The following UNC13C variants were observed in gnomAD, a reference collection of about 807,000 sequenced individuals.
UNC13C encodes the protein protein unc-13 homolog C.
In UNC13C, 174 loss-of-function variants were observed where a neutral mutation model predicts 245.4. The ratio of observed to expected loss-of-function variants is 0.71; its 90% CI spans 0.63 to 0.80. UNC13C has a LOEUF of 0.80. Among genes scored for constraint, UNC13C ranks in the 30% least tolerant of loss-of-function variants. UNC13C has a pLI of 0.00. For synonymous variants in UNC13C, 992 were observed against 895.1 expected (o/e 1.11, Z -1.93); for missense variants, 2,829 against 2,602.9 (o/e 1.09, Z -1.89).
chr15:54,204,465 A>C (rs2034646718), intron 4 of UNC13C, among the ~76,000 whole-genome samples: 1 of 151,958 alleles, frequency 6.6e-6, no homozygotes, highest in Non-Finnish European at 1.5e-5. Flanking sequence ...TTTATGGAAA[A>C]AAATTAAAGA....
At chr15:54,179,981 A>G (rs570455110) in intron 4 of UNC13C, among the ~76,000 whole-genome samples, 68 of 152,216 alleles carry the variant, frequency 4.5e-4, no homozygotes, top group African/African-American at 1.6e-3. Context: ...ATAAAATGAT[A>G]TCTTTAAGTG....
intron 2 of UNC13C, among the ~76,000 whole-genome samples, chr15:54,047,642 C>T (rs1162401003): frequency 1.3e-5 from 2 of 152,024 alleles, no homozygotes; most frequent in African/African-American, 4.8e-5. Flanking sequence ...TTTGTTTATC[C>T]ATTCACGATA....
intron 19 of UNC13C, among the ~76,000 whole-genome samples, chr15:54,480,260 A>T (rs1299117368): frequency 6.6e-6 from 1 of 151,506 alleles, no homozygotes; most frequent in African/African-American, 2.4e-5. Context: ...GGTCTTTATT[A>T]TTTATTTATT....
At chr15:53,953,523 G>T in the UNC13C span, among the ~76,000 whole-genome samples, 5 of 152,210 alleles carry the variant, frequency 3.3e-5, no homozygotes, top group South Asian at 2.1e-4. Context: ...GCAAAATAGA[G>T]ATTCTCCTTT....
At chr15:54,429,065 A>C (rs1413083579) in intron 19 of UNC13C, among the ~76,000 whole-genome samples, 1 of 151,742 alleles carries the variant, frequency 6.6e-6, no homozygotes, top group African/African-American at 2.4e-5. Context: ...GTAGCAATGA[A>C]ATGAAACAGT....
chr15:54,036,206 G>A (rs1447146003), intron 2 of UNC13C, among the ~76,000 whole-genome samples: 1 of 152,108 alleles, frequency 6.6e-6, no homozygotes, highest in Non-Finnish European at 1.5e-5. Context: ...AGTTTCCCTG[G>A]CACCCTAATA....
chr15:53,870,739 G>A, the UNC13C span, among the ~76,000 whole-genome samples: 6 of 152,090 alleles, frequency 3.9e-5, no homozygotes, highest in African/African-American at 1.2e-4. Context: ...GTCTTATCCT[G>A]ATTTTTATTT....
chr15:53,850,042 T>G, the UNC13C span, among the ~76,000 whole-genome samples: 2 of 152,292 alleles, frequency 1.3e-5, no homozygotes, highest in African/African-American at 4.8e-5. Context: ...TGCAAGAACT[T>G]CCTTTAACAT....
intron 17 of UNC13C, among the ~76,000 whole-genome samples, chr15:54,350,140 C>T (rs553205793): frequency 1.2e-4 from 18 of 152,088 alleles, no homozygotes; most frequent in East Asian, 3.9e-4. Flanking sequence ...TACAGGCGCC[C>T]GACACCACTC....
At chr15:54,059,538 T>C (rs1382947227) in intron 2 of UNC13C, among the ~76,000 whole-genome samples, 13 of 152,090 alleles carry the variant, frequency 8.5e-5, no homozygotes, top group East Asian at 3.9e-4. Flanking sequence ...GGCCATACTG[T>C]CCAAGGTAAT....
At chr15:54,133,930 A>C (rs536436607) in intron 2 of UNC13C, among the ~76,000 whole-genome samples, 2 of 152,250 alleles carry the variant, frequency 1.3e-5, no homozygotes, top group African/African-American at 2.4e-5. Flanking sequence ...ATTAAGGCAT[A>C]GTTGACAAAT....
intron 4 of UNC13C, among the ~76,000 whole-genome samples, chr15:54,156,676 T>A (rs141837936): frequency 1.2e-3 from 188 of 151,946 alleles, no homozygotes; most frequent in African/African-American, 4.5e-3. Context: ...ATTTGTCCAG[T>A]GTGACATCTG....
At chr15:53,870,016 C>G in the UNC13C span, among the ~76,000 whole-genome samples, 1 of 152,172 alleles carries the variant, frequency 6.6e-6, no homozygotes, top group African/African-American at 2.4e-5. Flanking sequence ...AATCTTCGAG[C>G]CTTCCAAGAA....
chr15:53,966,984 G>A, the UNC13C span, among the ~76,000 whole-genome samples: 1 of 152,048 alleles, frequency 6.6e-6, no homozygotes, highest in East Asian at 1.9e-4. Context: ...TACCAGTTGT[G>A]TTTATATCCT....
intron 29 of UNC13C, among the ~76,000 whole-genome samples, chr15:54,559,903 C>A (rs868616092): frequency 6.6e-6 from 1 of 151,856 alleles, no homozygotes; most frequent in Non-Finnish European, 1.5e-5. Context: ...CAGCATGCTG[C>A]GGCTTAAACA....
chr15:54,238,673 A>G (rs1212861097), intron 7 of UNC13C, among the ~76,000 whole-genome samples: 1 of 152,114 alleles, frequency 6.6e-6, no homozygotes, highest in Non-Finnish European at 1.5e-5. Flanking sequence ...CTTTTCTTTT[A>G]AACTCTGATA....
the UNC13C span, among the ~76,000 whole-genome samples, chr15:53,866,497 G>A: frequency 6.6e-6 from 1 of 152,140 alleles, no homozygotes; most frequent in Admixed American, 6.5e-5. Flanking sequence ...TTATACCAAT[G>A]CGTTTTAAAA....
At chr15:54,428,846 C>T (rs1240650789) in intron 19 of UNC13C, among the ~76,000 whole-genome samples, 1 of 151,534 alleles carries the variant, frequency 6.6e-6, no homozygotes, top group Non-Finnish European at 1.5e-5. Flanking sequence ...TTGTACTGTC[C>T]CATGGTGCTT....
intron 4 of UNC13C, among the ~76,000 whole-genome samples, chr15:54,159,904 T>C (rs905105041): frequency 6.6e-6 from 1 of 152,212 alleles, no homozygotes; most frequent in Admixed American, 6.5e-5. Context: ...GAGTAATACA[T>C]ACCTTCCTCT....
Sources: allele counts gnomAD v4.1 joint callset (sites outside exome capture counted in the v4.1 genomes callset), GRCh38; gene constraint gnomAD v4.1.1; transcripts MANE v1.5; gene names NCBI Gene and HGNC (gene_info 2026-07-23, HGNC 2026-07-21).